Variants in TUSC3 observed in about 807,000 individuals in gnomAD.
TUSC3 encodes tumor suppressor candidate 3.
In TUSC3, 45 loss-of-function variants were observed where a neutral mutation model predicts 44.8. That is an observed-to-expected ratio of 1.00 (90% CI 0.79 to 1.29). TUSC3 has a LOEUF of 1.29. Ranked by LOEUF, TUSC3 falls within the 50% of genes most tolerant of loss-of-function variation. TUSC3 has a pLI of 0.00. For synonymous variants in TUSC3, 212 were observed against 152.9 expected, an observed-to-expected ratio of 1.39 and a Z score of -2.85; for missense variants, 519 against 437.9, an observed-to-expected ratio of 1.19 and a Z score of -1.65.
At chr8:15,435,262 T>C (rs1799931451) in intron 1 of TUSC3, among the ~76,000 whole-genome samples, 1 of 152,124 alleles carries the variant, frequency 6.6e-6, no homozygotes, top group South Asian at 2.1e-4. Context: ...ATTGTGGTTT[T>C]GATTTGCATT....
chr8:15,537,241 G>C (rs1376336896), upstream of TUSC3, among the ~76,000 whole-genome samples: 1 of 151,968 alleles, frequency 6.6e-6, no homozygotes, highest in Non-Finnish European at 1.5e-5. Flanking sequence ...ACTGATCCCA[G>C]GTTTTCAGAT....
intron 6 of TUSC3, among the ~76,000 whole-genome samples, chr8:15,695,531 G>T (rs1373021704): frequency 6.6e-6 from 1 of 152,162 alleles, no homozygotes; most frequent in Non-Finnish European, 1.5e-5. Context: ...AATTGGTACT[G>T]GTGGAGTGGG....
intron 6 of TUSC3, among the ~76,000 whole-genome samples, chr8:15,712,019 A>T (rs530059399): frequency 6.6e-6 from 1 of 152,068 alleles, no homozygotes; most frequent in South Asian, 2.1e-4. Context: ...TCCTTCCAAG[A>T]AGAAAACATA....
intron 2 of TUSC3, among the ~76,000 whole-genome samples, chr8:15,649,371 T>C (rs900852557): frequency 3.3e-5 from 5 of 151,892 alleles, no homozygotes; most frequent in Non-Finnish European, 7.4e-5. Flanking sequence ...GATCACGAGG[T>C]CAGGAGATCG....
intron 1 of TUSC3, among the ~76,000 whole-genome samples, chr8:15,567,687 C>T (rs544391849): frequency 6.6e-6 from 1 of 152,040 alleles, no homozygotes; most frequent in African/African-American, 2.4e-5. Flanking sequence ...GGGATAGATA[C>T]TAGGGTGAAA....
chr8:15,630,598 A>C (rs1279917055), intron 2 of TUSC3, among the ~76,000 whole-genome samples: 1 of 152,112 alleles, frequency 6.6e-6, no homozygotes, highest in South Asian at 2.1e-4. Flanking sequence ...GCGATTTGTG[A>C]CTCCAGAGCT....
At chr8:15,497,307 G>A (rs890265361) in intron 2 of TUSC3, among the ~76,000 whole-genome samples, 3 of 152,102 alleles carry the variant, frequency 2.0e-5, no homozygotes, top group Admixed American at 6.5e-5. Context: ...TGTGTAGAAA[G>A]CAGTGGGACA....
the TUSC3 span, among the ~76,000 whole-genome samples, chr8:15,784,625 T>C: frequency 6.6e-6 from 1 of 151,668 alleles, no homozygotes; most frequent in African/African-American, 2.4e-5. Flanking sequence ...CAGAGATGAA[T>C]CTAGAGGACA....
intron 1 of TUSC3, among the ~76,000 whole-genome samples, chr8:15,550,488 G>T (rs1802022906): frequency 6.6e-6 from 1 of 151,534 alleles, no homozygotes; most frequent in African/African-American, 2.4e-5. Context: ...TAAAAACAAG[G>T]TTTCCTCATA....
intron 1 of TUSC3, among the ~76,000 whole-genome samples, chr8:15,549,814 T>A (rs1801994300): frequency 6.6e-6 from 1 of 151,610 alleles, no homozygotes. Context: ...GATGGCTGAA[T>A]CAAGGTTGAA....
At chr8:15,754,877 G>A (rs1006428787) in intron 9 of TUSC3, among the ~76,000 whole-genome samples, 1 of 151,470 alleles carries the variant, frequency 6.6e-6, no homozygotes. Flanking sequence ...GATCCTGTTC[G>A]GCTTATTCAT....
At chr8:15,565,102 G>T (rs1388088738) in intron 1 of TUSC3, among the ~76,000 whole-genome samples, 1 of 151,716 alleles carries the variant, frequency 6.6e-6, no homozygotes, top group Admixed American at 6.6e-5. Context: ...GTCCAAGTCA[G>T]TCTCACTGGG....
At chr8:15,436,233 A>T (rs538900932) in intron 1 of TUSC3, among the ~76,000 whole-genome samples, 22 of 152,308 alleles carry the variant, frequency 1.4e-4, no homozygotes, top group African/African-American at 5.1e-4. Context: ...CATAGAAGTC[A>T]TACAGTCACA....
intron 1 of TUSC3, among the ~76,000 whole-genome samples, chr8:15,443,167 C>A (rs1204654590): frequency 2.6e-5 from 4 of 151,722 alleles, no homozygotes; most frequent in Non-Finnish European, 4.4e-5. Flanking sequence ...TTCCTTCCTT[C>A]CTTCCTTTCT....
the TUSC3 span, among the ~76,000 whole-genome samples, chr8:15,817,768 T>C: frequency 6.6e-6 from 1 of 152,182 alleles, no homozygotes; most frequent in Non-Finnish European, 1.5e-5. Context: ...ATGTCTTTAT[T>C]AGCAGTGTGA....
chr8:15,516,530 T>C (rs17121567), intron 2 of TUSC3, among the ~76,000 whole-genome samples: 5,031 of 152,262 alleles, frequency 0.033, 272 homozygotes, highest in African/African-American at 0.11. Flanking sequence ...TCCTTTACCA[T>C]TGAGATTACT....
the TUSC3 span, among the ~76,000 whole-genome samples, chr8:15,836,950 TTTA>T: frequency 1.3e-5 from 2 of 152,192 alleles, no homozygotes; most frequent in Non-Finnish European, 2.9e-5. Context: ...AATTCCCACA[TTTA>T]TTGAAATCTT....
At chr8:15,831,151 C>G in the TUSC3 span, among the ~76,000 whole-genome samples, 27,119 of 152,138 alleles carry the variant, frequency 0.18, 2,549 homozygotes, top group Admixed American at 0.29. Flanking sequence ...ACAAGTCCCC[C>G]AGAATTAGGG....
rs545725307 is a variant in TUSC3 at position 15,729,279 on chromosome 8, C to T, written c.799-1387C>T. On this transcript the variant is annotated intron_variant, in intron 6 of 10. Transcript: ENST00000503731. ...AAAGTTTTTACAAAGTTTTACTTGA[C>T]GTTCCTCCTCTGTTTTGGTAAGTTG... Among the ~76,000 whole-genome samples the T allele has an allele frequency of 1.5e-3, 230 of 152,240 alleles. 4 individuals are homozygous for T. The highest frequency in any genetic ancestry group is 8.5e-3 in the South Asian group (41 of 4,826).
Sources: allele counts gnomAD v4.1 joint callset (sites outside exome capture counted in the v4.1 genomes callset), GRCh38; gene constraint gnomAD v4.1.1; transcripts MANE v1.5; gene names NCBI Gene and HGNC (gene_info 2026-07-23, HGNC 2026-07-21).